The following ARHGAP42 variants were observed in gnomAD, a reference collection of about 807,000 sequenced individuals.
ARHGAP42 encodes rho GTPase-activating protein 42.
ARHGAP42 carries 63 observed loss-of-function variants against 125.0 expected under a neutral mutation model. That is an observed-to-expected ratio of 0.50 (90% CI 0.41 to 0.62). The LOEUF (loss-of-function observed/expected upper bound fraction) is 0.62, where lower values mean the gene tolerates loss of function less well. Among genes scored for constraint, ARHGAP42 ranks in the 20% least tolerant of loss-of-function variants. The pLI is 0.00. For missense variants in ARHGAP42, 766 were observed against 1,024.2 expected, an observed-to-expected ratio of 0.75 and a Z score of 3.44; for synonymous variants, 339 against 351.0, an observed-to-expected ratio of 0.97 and a Z score of 0.38.
intron 1 of ARHGAP42, among the ~76,000 whole-genome samples, chr11:100,755,418 A>C (rs977422721): frequency 6.6e-6 from 1 of 152,248 alleles, no homozygotes; most frequent in Admixed American, 6.5e-5. Context: ...AAGCAGTAAC[A>C]GTATACACAA....
At chr11:100,837,584 A>T (rs557318394) in intron 3 of ARHGAP42, among the ~76,000 whole-genome samples, 1 of 150,740 alleles carries the variant, frequency 6.6e-6, no homozygotes, top group Non-Finnish European at 1.5e-5. Context: ...GGATAAGCAT[A>T]ATGAAGGCAT....
intron 1 of ARHGAP42, among the ~76,000 whole-genome samples, chr11:100,695,806 C>T (rs927084956): frequency 1.3e-5 from 2 of 152,134 alleles, no homozygotes; most frequent in South Asian, 2.1e-4. Context: ...GTTGTCCCAA[C>T]CTTTTTCCTT....
At chr11:100,986,760 T>G (rs1591342909) in intron 22 of ARHGAP42, among the ~76,000 whole-genome samples, 1 of 152,208 alleles carries the variant, frequency 6.6e-6, no homozygotes, top group South Asian at 2.1e-4. Flanking sequence ...GTGCCTTGAT[T>G]AGCAGCCTCA....
At chr11:100,982,468 C>A (rs1345098302) in intron 22 of ARHGAP42, among the ~76,000 whole-genome samples, 1 of 152,198 alleles carries the variant, frequency 6.6e-6, no homozygotes, top group African/African-American at 2.4e-5. Context: ...AGAAAAATGT[C>A]ATAGTGCCCG....
intron 3 of ARHGAP42, among the ~76,000 whole-genome samples, chr11:100,858,083 AGGG>A (rs3219611): frequency 1.4e-5 from 1 of 71,354 alleles, no homozygotes; most frequent in Non-Finnish European, 3.1e-5. Flanking sequence ...CAATCTGGAT[AGGG>A]GTGTGTGTGT....
chr11:100,767,402 T>G (rs1427708862), intron 1 of ARHGAP42, among the ~76,000 whole-genome samples: 1 of 152,224 alleles, frequency 6.6e-6, no homozygotes, highest in Non-Finnish European at 1.5e-5. Flanking sequence ...GCACTCATAC[T>G]CAGTAACTTG....
intron 4 of ARHGAP42, among the ~76,000 whole-genome samples, chr11:100,874,374 G>A (rs1865763204): frequency 6.6e-6 from 1 of 152,144 alleles, no homozygotes; most frequent in African/African-American, 2.4e-5. Flanking sequence ...AGTTTTGGTG[G>A]TAACGAACTA....
At chr11:100,965,130 C>A (rs1858057414) in intron 16 of ARHGAP42, among the ~76,000 whole-genome samples, 1 of 152,072 alleles carries the variant, frequency 6.6e-6, no homozygotes, top group South Asian at 2.1e-4. Context: ...AGAACTCACT[C>A]ACTATCAAGA....
intron 2 of ARHGAP42, among the ~76,000 whole-genome samples, chr11:100,776,128 C>T (rs1264954281): frequency 6.7e-6 from 1 of 148,496 alleles, no homozygotes; most frequent in Admixed American, 6.8e-5. Flanking sequence ...CATTGCACTC[C>T]AGCCTGGGCA....
At chr11:100,837,666 C>CTATTTTTTTTTTTTT (rs1555008871) in intron 3 of ARHGAP42, among the ~76,000 whole-genome samples, 13 of 61,070 alleles carry the variant, frequency 2.1e-4, no homozygotes, top group African/African-American at 8.4e-4. Context: ...AGGTGTCATC[C>CTATTTTTTTTTTTTT]TTTTTTTTTT....
intron 2 of ARHGAP42, among the ~76,000 whole-genome samples, chr11:100,790,638 GT>G (rs1426052437): frequency 6.6e-6 from 1 of 152,138 alleles, no homozygotes; most frequent in Non-Finnish European, 1.5e-5. Flanking sequence ...TAGAATAAGA[GT>G]TGGTATGTTT....
chr11:100,696,446 C>T (rs1299676585), intron 1 of ARHGAP42, among the ~76,000 whole-genome samples: 2 of 151,864 alleles, frequency 1.3e-5, no homozygotes, highest in Admixed American at 1.3e-4. Flanking sequence ...TTCCGCCTCC[C>T]GGGTTCAAGC....
At chr11:100,968,948 GTGTT>G (rs1260375308) in intron 17 of ARHGAP42, among the ~76,000 whole-genome samples, 2 of 151,090 alleles carry the variant, frequency 1.3e-5, no homozygotes, top group African/African-American at 2.4e-5. Flanking sequence ...TTTTTTGTGT[GTGTT>G]TGTTTGTTTT....
At chr11:100,858,519 A>C (rs1251841002) in intron 3 of ARHGAP42, among the ~76,000 whole-genome samples, 1 of 152,116 alleles carries the variant, frequency 6.6e-6, no homozygotes, top group East Asian at 1.9e-4. Context: ...TAAGAAATTA[A>C]ACTTGACTAG....
At chr11:100,958,306 A>G (rs1565294420) in intron 12 of ARHGAP42, among the ~76,000 whole-genome samples, 1 of 152,080 alleles carries the variant, frequency 6.6e-6, no homozygotes, top group Non-Finnish European at 1.5e-5. Flanking sequence ...ACTCTCATGT[A>G]GGTAGGTCAT....
At position 100,703,544 on chromosome 11, in the gene ARHGAP42, A is replaced by C. The variant is rs150794375; in HGVS notation, c.154+15712A>C. Among the ~76,000 whole-genome samples, 199 of 152,362 alleles carry C rather than the reference A, an allele frequency of 1.3e-3. 2 individuals carry two copies. Among genetic ancestry groups the C allele is most frequent in the African/African-American group, 4.7e-3 (194 of 41,580 alleles). The stretch of plus-strand genomic sequence containing the variant: ...TGGTAATGCTTCTATTAGATGTTAA[A>C]GCATGGGCTTGTCCCACTCAAATTA... On this transcript the variant is annotated intron_variant, in intron 1 of 23. Coordinates refer to ENST00000298815, the MANE Select transcript of ARHGAP42 (RefSeq NM_152432.4).
intron 3 of ARHGAP42, chr11:100,839,563 C>T (rs192855804): frequency 6.6e-6 from 1 of 152,290 alleles, no homozygotes; most frequent in East Asian, 1.9e-4. Context: ...GAGTTGGATA[C>T]CACTGCAGTA....
At chr11:100,842,269 G>A (rs532825616) in intron 3 of ARHGAP42, among the ~76,000 whole-genome samples, 157 of 152,254 alleles carry the variant, frequency 1.0e-3, no homozygotes, top group African/African-American at 3.7e-3. Flanking sequence ...GAGAAGGGAA[G>A]CATTATTACC....
At chr11:100,810,174 T>A (rs919429168) in intron 3 of ARHGAP42, among the ~76,000 whole-genome samples, 7 of 152,028 alleles carry the variant, frequency 4.6e-5, no homozygotes, top group Non-Finnish European at 1.0e-4. Context: ...AAACAAAGGA[T>A]GTGCAGGACT....
Sources: allele counts gnomAD v4.1 joint callset (sites outside exome capture counted in the v4.1 genomes callset), GRCh38; gene constraint gnomAD v4.1.1; transcripts MANE v1.5; gene names NCBI Gene and HGNC (gene_info 2026-07-23, HGNC 2026-07-21).